The following PLXNA2 variants were observed in gnomAD, a reference collection of about 807,000 sequenced individuals.
PLXNA2 encodes plexin A2, also known as plexin-A2.
In PLXNA2, 91 loss-of-function variants were observed where a neutral mutation model predicts 193.5. The observed-to-expected ratio is 0.47, with a 90% confidence interval of 0.40 to 0.56. The LOEUF is 0.56. PLXNA2 is among the 20% of genes least tolerant of loss of function. The pLI, the probability that PLXNA2 is intolerant of heterozygous loss-of-function variation, is 0.00. For missense variants in PLXNA2, 1,995 were observed against 2,503.2 expected (o/e 0.80, Z 4.33); for synonymous variants, 997 against 1,027.3 (o/e 0.97, Z 0.56).
At chr1:208,147,499 T>C (rs1013093955) in intron 3 of PLXNA2, among the ~76,000 whole-genome samples, 1 of 152,208 alleles carries the variant, frequency 6.6e-6, no homozygotes, top group African/African-American at 2.4e-5. Context: ...TAGACTTGGA[T>C]TCTGAAAGGT....
intron 9 of PLXNA2, among the ~76,000 whole-genome samples, chr1:208,088,428 T>A (rs1666605441): frequency 6.6e-6 from 1 of 152,272 alleles, no homozygotes; most frequent in Non-Finnish European, 1.5e-5. Flanking sequence ...ATCGGATTTA[T>A]TTGGTTCTAT....
chr1:208,218,631 A>C (rs1345940254), intron 1 of PLXNA2, among the ~76,000 whole-genome samples: 1 of 152,218 alleles, frequency 6.6e-6, no homozygotes, highest in Non-Finnish European at 1.5e-5. Context: ...TCCAGCAAGA[A>C]GAACCCCTGA....
At position 208,040,075 on chromosome 1, in the gene PLXNA2, G is replaced by A. The variant is rs972240773; in HGVS notation, c.4287-17C>T. 3 of 1,610,886 alleles carry A rather than the reference G, an allele frequency of 1.9e-6. No homozygotes were observed. The highest frequency in any genetic ancestry group is 2.5e-6 in the Non-Finnish European group (3 of 1,177,206). ...GACTCTGTCCTGGGGAAGGGACAAAGGGTAAGGGGCAGTCCTTCACAGAGG... is the reference window on the plus strand; with the variant it reads ...GACTCTGTCCTGGGGAAGGGACAAAAGGTAAGGGGCAGTCCTTCACAGAGG... On this transcript the variant is annotated splice_polypyrimidine_tract_variant and intron_variant, in intron 22 of 31. Transcript: ENST00000367033.
chr1:208,161,222 G>C (rs763994190), intron 3 of PLXNA2, among the ~76,000 whole-genome samples: 1 of 152,164 alleles, frequency 6.6e-6, no homozygotes, highest in Non-Finnish European at 1.5e-5. Flanking sequence ...AGCTTCAATA[G>C]AGAATGCCCC....
chr1:208,042,309 T>C lies in PLXNA2; in HGVS notation c.4075A>G (p.Ile1359Val), dbSNP rs370069188. The change falls in exon 22 of 32, where the codon ATC becomes GTC. Residue 1359 changes from isoleucine to valine, a missense_variant. Around this residue, in one of 3 missense-constraint regions of PLXNA2, gnomAD observed 1,291 missense variants for 1,673.6 expected, o/e 0.77. Transcript: ENST00000367033. ...GTCAGCAGGAACACCTTGTTGTTGA[T>C]GAGCTGGGCAAAGAGCTTCAGGGCC... ...EKALKLFAQL[I>V]NNKVFLLTFI... The C allele has an allele frequency of 2.2e-5, 35 of 1,613,656 alleles. No individual in the cohort carries two copies. Among genetic ancestry groups the C allele is most frequent in the South Asian group, 8.8e-5 (8 of 91,078 alleles).
At chr1:208,069,079 CT>C (rs769639411) in intron 12 of PLXNA2, among the ~76,000 whole-genome samples, 1 of 152,204 alleles carries the variant, frequency 6.6e-6, no homozygotes, top group Non-Finnish European at 1.5e-5. Flanking sequence ...ATAAAGGTGG[CT>C]AGTTTAAGTC....
chr1:208,149,045 C>T (rs1191137828), intron 3 of PLXNA2, among the ~76,000 whole-genome samples: 4 of 152,198 alleles, frequency 2.6e-5, no homozygotes, highest in Non-Finnish European at 5.9e-5. Flanking sequence ...CAGCATCTGG[C>T]GTCCTCAAAT....
intron 1 of PLXNA2, 44 bp from the exon 2 acceptor site, chr1:208,218,046 G>A (rs1195633107): frequency 2.0e-5 from 31 of 1,518,530 alleles, no homozygotes; most frequent in African/African-American, 1.4e-4. Flanking sequence ...AATAATTTCC[G>A]GGAGGAGCAA....
At chr1:208,231,979 C>G (rs1055081796) in intron 1 of PLXNA2, among the ~76,000 whole-genome samples, 1 of 152,228 alleles carries the variant, frequency 6.6e-6, no homozygotes, top group Non-Finnish European at 1.5e-5. Flanking sequence ...CTACTCTTTG[C>G]AAATGGATAT....
At position 208,215,932 on chromosome 1, in the gene PLXNA2, C is replaced by T. The variant is rs543527976; in HGVS notation, c.1188+803G>A. 3.9e-5 allele frequency among the ~76,000 whole-genome samples: 6 copies of T among 152,258 alleles called. 1 individual carries two copies. The South Asian group carries it at 1.2e-3, about 32-fold the overall frequency. ...TTCATCCTCTCCTCTTTTGCCTTTGCCCACACTCCTGATTCTTCTCCAGTT... is the reference window on the plus strand; with the variant it reads ...TTCATCCTCTCCTCTTTTGCCTTTGTCCACACTCCTGATTCTTCTCCAGTT... On this transcript the variant is annotated intron_variant, in intron 2 of 31. Coordinates refer to ENST00000367033, the MANE Select transcript of PLXNA2 (RefSeq NM_025179.4).
In PLXNA2 at chr1:208,109,728, C is replaced by T. The variant is rs116912854; in HGVS notation, c.1507-6481G>A. On this transcript the variant is annotated intron_variant, in intron 4 of 31. Coordinates refer to ENST00000367033, the MANE Select transcript of PLXNA2 (RefSeq NM_025179.4). ...ACGGCCCATGATGGGACTGACTGTT[C>T]GCTCTTCTCAGATATACTGCAAGGG... is the stretch of plus-strand genomic sequence containing the variant. Among the ~76,000 whole-genome samples the T allele has an allele frequency of 4.3e-3, 654 of 152,322 alleles. 24 individuals carry two copies. The highest frequency in any genetic ancestry group is 0.035 in the Admixed American group (543 of 15,312).
intron 3 of PLXNA2, among the ~76,000 whole-genome samples, chr1:208,192,003 G>T (rs138891267): frequency 6.6e-6 from 1 of 152,258 alleles, no homozygotes; most frequent in Non-Finnish European, 1.5e-5. Context: ...GCCTCATGGT[G>T]GGAGTAAGAC....
chr1:208,077,993 G>A (rs1666214786), intron 12 of PLXNA2, among the ~76,000 whole-genome samples: 1 of 152,090 alleles, frequency 6.6e-6, no homozygotes, highest in South Asian at 2.1e-4. Context: ...CGGATATGAA[G>A]GAAGGGGAAG....
chr1:208,239,924 C>T (rs181695759), intron 1 of PLXNA2, among the ~76,000 whole-genome samples: 10 of 152,210 alleles, frequency 6.6e-5, no homozygotes, highest in Non-Finnish European at 1.3e-4. Flanking sequence ...AGTGGAGACA[C>T]AGCAAATGTT....
At chr1:208,189,796 A>T (rs1670120528) in intron 3 of PLXNA2, among the ~76,000 whole-genome samples, 1 of 152,160 alleles carries the variant, frequency 6.6e-6, no homozygotes, top group Non-Finnish European at 1.5e-5. Context: ...CACTACACAC[A>T]CAGCTCCTGT....
At chr1:208,225,759 C>A (rs1034471708) in intron 1 of PLXNA2, among the ~76,000 whole-genome samples, 1 of 152,230 alleles carries the variant, frequency 6.6e-6, no homozygotes, top group Non-Finnish European at 1.5e-5. Context: ...TGTAAAGAGA[C>A]ATCCACATCC....
At chr1:208,136,199 T>C (rs1668295954) in intron 4 of PLXNA2, among the ~76,000 whole-genome samples, 2 of 152,200 alleles carry the variant, frequency 1.3e-5, no homozygotes, top group South Asian at 2.1e-4. Context: ...GCAGACATTA[T>C]AGAATAGAGA....
At chr1:208,154,590 A>C (rs1668880163) in intron 3 of PLXNA2, among the ~76,000 whole-genome samples, 1 of 152,236 alleles carries the variant, frequency 6.6e-6, no homozygotes. Context: ...ACTTTAAAAA[A>C]ATTCTCCCCT....
At chr1:208,205,911 TTGTA>T (rs1222916094) in intron 3 of PLXNA2, among the ~76,000 whole-genome samples, 1 of 152,228 alleles carries the variant, frequency 6.6e-6, no homozygotes, top group African/African-American at 2.4e-5. Flanking sequence ...AGCCAGCAGA[TTGTA>T]AAACCAGGTA....
Sources: gnomAD v4.1 joint callset for allele counts (sites outside exome capture counted in the v4.1 genomes callset) on GRCh38, gnomAD v4.1.1 for gene constraint, gnomAD v4.1.1 regional missense constraint, MANE v1.5 for transcripts, NCBI Gene and HGNC (gene_info 2026-07-23, HGNC 2026-07-21) for gene names.